The following COL14A1 variants were observed in gnomAD, a reference collection of about 807,000 sequenced individuals.
COL14A1 encodes the protein collagen alpha-1(XIV) chain.
Under a neutral mutation model 230.3 loss-of-function variants are expected in COL14A1, and 136 were observed. That is an observed-to-expected ratio of 0.59 (90% CI 0.51 to 0.68). The LOEUF is 0.68. COL14A1 is among the 30% of genes least tolerant of loss of function. The pLI is 0.00. For missense variants in COL14A1, 1,976 were observed against 2,215.8 expected, an observed-to-expected ratio of 0.89 and a Z score of 2.17; for synonymous variants, 792 against 784.1, an observed-to-expected ratio of 1.01 and a Z score of -0.17.
chr8:120,336,747 A>G (rs1032764038), intron 42 of COL14A1, among the ~76,000 whole-genome samples: 8 of 152,152 alleles, frequency 5.3e-5, no homozygotes, highest in Non-Finnish European at 1.0e-4. Context: ...TCAGTCACAC[A>G]TTATTTAAAG....
At chr8:120,214,699 A>G (rs1817697714) in intron 13 of COL14A1, among the ~76,000 whole-genome samples, 1 of 152,200 alleles carries the variant, frequency 6.6e-6, no homozygotes, top group South Asian at 2.1e-4. Flanking sequence ...TGGGAACAAA[A>G]TGAAACCAAA....
intron 31 of COL14A1, among the ~76,000 whole-genome samples, chr8:120,283,026 A>G (rs913555338): frequency 6.6e-6 from 1 of 152,032 alleles, no homozygotes. Flanking sequence ...CATTGAAAAG[A>G]GGTTTCCTAG....
chr8:120,166,916 GTGT>G (rs1440951412), intron 4 of COL14A1, among the ~76,000 whole-genome samples: 41 of 147,414 alleles, frequency 2.8e-4, no homozygotes, highest in African/African-American at 1.0e-3. Context: ...GTGTGTGTGT[GTGT>G]GTGGTGGTGA....
chr8:120,327,525 G>T (rs1461226624), intron 40 of COL14A1, among the ~76,000 whole-genome samples: 4 of 152,136 alleles, frequency 2.6e-5, no homozygotes, highest in Non-Finnish European at 5.9e-5. Context: ...ATCTGGGTCT[G>T]CTTCTAGGAT....
chr8:120,273,596 T>C (rs996737347), intron 26 of COL14A1, among the ~76,000 whole-genome samples: 2 of 151,430 alleles, frequency 1.3e-5, no homozygotes, highest in Non-Finnish European at 3.0e-5. Context: ...CAATTAGAAA[T>C]GAAAATAGAG....
At position 120,369,390 on chromosome 8, in the gene COL14A1, G is replaced by A. The variant is rs868494212; in HGVS notation, c.5216G>A (p.Gly1739Asp). The A allele has an allele frequency of 6.2e-7, 1 of 1,609,646 alleles. No individual in the cohort carries two copies. Among genetic ancestry groups the A allele is most frequent in the Non-Finnish European group, 8.5e-7 (1 of 1,178,090 alleles). The part of the protein sequence containing the change: ...PGPPGSPGPR[G>D]PPGHLGVPGP... ...CCCCCTGGCTCTCCTGGACCAAGAGGCCCACCAGGTCATCTGGGGGTTCCT... is the reference window on the plus strand; with the variant it reads ...CCCCCTGGCTCTCCTGGACCAAGAGACCCACCAGGTCATCTGGGGGTTCCT... The change falls in exon 47 of 48, where the codon GGC becomes GAC. Residue 1739 changes from glycine to aspartate, a missense_variant. Gly to Asp is a moderately conservative substitution (Grantham distance 94). Transcript: ENST00000297848.
intron 16 of COL14A1, 82 bp from the exon 17 acceptor site, chr8:120,227,138 T>C (rs1818121699): frequency 1.3e-6 from 2 of 1,492,676 alleles, no homozygotes; most frequent in Admixed American, 4.1e-5. Context: ...ATTGGTTGTT[T>C]CTTGCTTATG....
intron 25 of COL14A1, among the ~76,000 whole-genome samples, chr8:120,269,191 C>A (rs927917000): frequency 4.6e-5 from 7 of 151,690 alleles, no homozygotes; most frequent in African/African-American, 1.5e-4. Context: ...TATTGAAGAG[C>A]AAATTGTTTG....
intron 1 of COL14A1, among the ~76,000 whole-genome samples, chr8:120,128,204 CGTGTGTGTGTGTGTGTGCGCGCGCGT>C (rs1814407925): frequency 7.1e-6 from 1 of 140,768 alleles, no homozygotes; most frequent in Admixed American, 7.6e-5. Flanking sequence ...GTTCCTGTGA[CGTGTGTGTGTGTGTGTGCGCGCGCGT>C]GTGTGTGTGT....
chr8:120,289,904 A>C, intron 34 of COL14A1, 138 bp downstream of exon 34: 1 of 831,596 alleles, frequency 1.2e-6, no homozygotes, highest in Non-Finnish European at 1.9e-6. Flanking sequence ...GGATGGATGG[A>C]TGGATGGATA....
At chr8:120,201,487 T>C (rs1817247027) in intron 8 of COL14A1, among the ~76,000 whole-genome samples, 1 of 152,208 alleles carries the variant, frequency 6.6e-6, no homozygotes, top group Non-Finnish European at 1.5e-5. Flanking sequence ...GAAAGCTGAC[T>C]GTTAAATATT....
At chr8:120,264,373 T>C (rs1819442051) in intron 24 of COL14A1, among the ~76,000 whole-genome samples, 1 of 152,186 alleles carries the variant, frequency 6.6e-6, no homozygotes, top group African/African-American at 2.4e-5. Flanking sequence ...AACCTGATAG[T>C]ACACAAGACT....
At chr8:120,248,664 C>T (rs1455103489) in intron 21 of COL14A1, among the ~76,000 whole-genome samples, 1 of 152,044 alleles carries the variant, frequency 6.6e-6, no homozygotes, top group Non-Finnish European at 1.5e-5. Context: ...TGAGACCAGC[C>T]TGGGCAACAT....
intron 11 of COL14A1, 50 bp from the exon 12 acceptor site, chr8:120,209,706 C>T: frequency 1.3e-6 from 2 of 1,524,234 alleles, no homozygotes; most frequent in Non-Finnish European, 1.8e-6. Context: ...TCATTTTTCT[C>T]AAGGACACAT....
intron 5 of COL14A1, among the ~76,000 whole-genome samples, chr8:120,178,160 G>A (rs575928435): frequency 1.2e-4 from 18 of 152,044 alleles, no homozygotes; most frequent in South Asian, 8.3e-4. Context: ...AGGTATACAC[G>A]TGGCATGGTG....
chr8:120,136,766 C>A (rs1340459262), intron 1 of COL14A1, among the ~76,000 whole-genome samples: 1 of 151,680 alleles, frequency 6.6e-6, no homozygotes, highest in Non-Finnish European at 1.5e-5. Flanking sequence ...GTGTTCGAGA[C>A]CAGCCTGGGC....
chr8:120,307,686 C>T (rs1820895423), intron 36 of COL14A1, among the ~76,000 whole-genome samples: 1 of 151,996 alleles, frequency 6.6e-6, no homozygotes, highest in Non-Finnish European at 1.5e-5. Flanking sequence ...TAATAGTTTT[C>T]AGGGAAATGA....
At chr8:120,260,285 A>G (rs1236286805) in intron 23 of COL14A1, among the ~76,000 whole-genome samples, 1 of 152,172 alleles carries the variant, frequency 6.6e-6, no homozygotes, top group African/African-American at 2.4e-5. Flanking sequence ...ATATATGCAT[A>G]TTATAATATA....
chr8:120,200,325 A>G (rs1207248882), intron 8 of COL14A1, among the ~76,000 whole-genome samples: 1 of 152,014 alleles, frequency 6.6e-6, no homozygotes, highest in East Asian at 1.9e-4. Context: ...TACATATTTA[A>G]TTATTTTATT....
Sources: gnomAD v4.1 joint callset for allele counts (sites outside exome capture counted in the v4.1 genomes callset) on GRCh38, gnomAD v4.1.1 for gene constraint, MANE v1.5 for transcripts, NCBI Gene and HGNC (gene_info 2026-07-23, HGNC 2026-07-21) for gene names.